Variants in FUT8 observed in about 807,000 individuals in gnomAD.
FUT8 encodes the protein fucosyltransferase 8.
A neutral mutation model predicts 71.3 loss-of-function variants in FUT8; 29 were observed. The observed-to-expected ratio is 0.41, with a 90% CI of 0.30 to 0.55. The LOEUF (loss-of-function observed/expected upper bound fraction) is 0.55. Ranked by LOEUF, FUT8 falls within the 20% of genes least tolerant of loss-of-function variation. FUT8 has a pLI of 0.34. For missense variants in FUT8, 544 were observed against 702.1 expected, an observed-to-expected ratio of 0.77 and a Z score of 2.55; for synonymous variants, 254 against 239.3, an observed-to-expected ratio of 1.06 and a Z score of -0.57.
intron 1 of FUT8, among the ~76,000 whole-genome samples, chr14:65,432,304 G>A (rs1232250670): frequency 6.6e-6 from 1 of 151,842 alleles, no homozygotes; most frequent in Non-Finnish European, 1.5e-5. Context: ...GTTTCCAGCT[G>A]GAGATTGTCA....
chr14:65,406,999 T>A (rs1237025156), upstream of FUT8, among the ~76,000 whole-genome samples: 1 of 152,198 alleles, frequency 6.6e-6, no homozygotes, highest in Non-Finnish European at 1.5e-5. Flanking sequence ...CCCTTCTTAA[T>A]TCAGTCCTCA....
chr14:65,538,253 T>TGG (rs2139946422), intron 2 of FUT8, among the ~76,000 whole-genome samples: 1 of 152,314 alleles, frequency 6.6e-6, no homozygotes, highest in East Asian at 1.9e-4. Context: ...CTCCTCCTGC[T>TGG]GGGATTCCAG....
Position 65,669,188 on chromosome 14 carries a change from A to C in FUT8, c.598-55A>C. The stretch of plus-strand genomic sequence containing the variant: ...TGAAAGATTAAAAAAAAAAAAGAGC[A>C]GTTGACCTCTCTGTACAACTTATCT... On this transcript the variant is annotated intron_variant, in intron 6 of 10. Coordinates refer to ENST00000673929, the MANE Select transcript of FUT8 (RefSeq NM_001371533.1). The surrounding 1 kb of genome is among the most constrained non-coding windows in gnomAD (Gnocchi z 4.5). 1.6e-6 allele frequency: 2 copies of C among 1,282,190 alleles called. No individual in the cohort carries two copies. Among genetic ancestry groups the C allele is most frequent in the Non-Finnish European group, 2.2e-6 (2 of 910,320 alleles). 79.4% of individuals were successfully genotyped at this position (1,282,190 alleles called of 1,614,324 possible).
chr14:65,474,441 G>GGAAAAAAAAAAAAAAAAAAAAAAAAAAA (rs2066199474), intron 2 of FUT8, among the ~76,000 whole-genome samples: 1 of 39,698 alleles, frequency 2.5e-5, no homozygotes, highest in African/African-American at 1.0e-4. Context: ...TGTCTCTACT[G>GGAAAAAAAAAAAAAAAAAAAAAAAAAAA]AAAAAAAAAA....
At chr14:65,664,549 G>A (rs1892118253) in intron 6 of FUT8, among the ~76,000 whole-genome samples, 1 of 152,084 alleles carries the variant, frequency 6.6e-6, no homozygotes, top group Admixed American at 6.5e-5. Flanking sequence ...TTGATGGTAT[G>A]GGTTCTGCTT....
chr14:65,473,604 A>G (rs1174449936), intron 2 of FUT8, among the ~76,000 whole-genome samples: 1 of 152,226 alleles, frequency 6.6e-6, no homozygotes, highest in Non-Finnish European at 1.5e-5. Context: ...TTAGGATGTA[A>G]ATTGACTGTA....
chr14:65,698,264 A>G (rs530042795), intron 7 of FUT8, among the ~76,000 whole-genome samples: 1 of 152,338 alleles, frequency 6.6e-6, no homozygotes, highest in East Asian at 1.9e-4. Flanking sequence ...TATAGATTCT[A>G]TAATGTTTAT....
intron 3 of FUT8, among the ~76,000 whole-genome samples, chr14:65,566,524 G>T (rs1028596743): frequency 6.6e-6 from 1 of 151,984 alleles, no homozygotes; most frequent in Non-Finnish European, 1.5e-5. Flanking sequence ...ACAATAGTTG[G>T]TTTTCAGCAG....
At chr14:65,582,982 C>A (rs1308677008) in intron 3 of FUT8, among the ~76,000 whole-genome samples, 1 of 152,136 alleles carries the variant, frequency 6.6e-6, no homozygotes, top group Non-Finnish European at 1.5e-5. Context: ...ATAGTGAATG[C>A]TGCATGAATG....
chr14:65,394,936 G>A, the FUT8 span, among the ~76,000 whole-genome samples: 1 of 152,126 alleles, frequency 6.6e-6, no homozygotes, highest in Non-Finnish European at 1.5e-5. Flanking sequence ...TAGAGATGGG[G>A]TTTCAGTATT....
At chr14:65,427,129 T>A (rs567546920) in intron 1 of FUT8, among the ~76,000 whole-genome samples, 111 of 152,310 alleles carry the variant, frequency 7.3e-4, no homozygotes, top group African/African-American at 2.4e-3. Flanking sequence ...CCTGAAGTGC[T>A]GGGATTACAG....
intron 3 of FUT8, among the ~76,000 whole-genome samples, chr14:65,599,638 T>C (rs1198529113): frequency 1.3e-5 from 2 of 152,164 alleles, no homozygotes. Context: ...TACTCTTTGG[T>C]ATGCAAGGTT....
intron 2 of FUT8, among the ~76,000 whole-genome samples, chr14:65,519,081 T>C (rs1213666633): frequency 1.3e-5 from 2 of 152,152 alleles, no homozygotes; most frequent in Non-Finnish European, 2.9e-5. Flanking sequence ...TCTAGAACAG[T>C]GAATGGCATG....
chr14:65,583,935 A>G (rs2140120838), intron 3 of FUT8, among the ~76,000 whole-genome samples: 1 of 152,284 alleles, frequency 6.6e-6, no homozygotes, highest in East Asian at 1.9e-4. Context: ...GCTGAAGTGC[A>G]TGGGTATAAT....
chr14:65,390,281 C>T, the FUT8 span, among the ~76,000 whole-genome samples: 3 of 149,196 alleles, frequency 2.0e-5, no homozygotes, highest in Non-Finnish European at 4.5e-5. Flanking sequence ...TGAGATTGTG[C>T]CACTGCACTC....
chr14:65,390,277 T>C, the FUT8 span, among the ~76,000 whole-genome samples: 2 of 149,628 alleles, frequency 1.3e-5, no homozygotes, highest in Admixed American at 6.7e-5. Flanking sequence ...GAGCTGAGAT[T>C]GTGCCACTGC....
At chr14:65,503,098 A>G (rs1270085365) in intron 2 of FUT8, among the ~76,000 whole-genome samples, 1 of 152,198 alleles carries the variant, frequency 6.6e-6, no homozygotes, top group Non-Finnish European at 1.5e-5. Context: ...TAGTAGAGCT[A>G]TTTATAGCTG....
At chr14:65,368,846 C>T in the FUT8 span, among the ~76,000 whole-genome samples, 1 of 151,848 alleles carries the variant, frequency 6.6e-6, no homozygotes, top group African/African-American at 2.4e-5. Context: ...TTATTAGAGA[C>T]GGGGTTTCAC....
At chr14:65,642,467 G>A (rs1378552760) in intron 6 of FUT8, among the ~76,000 whole-genome samples, 1 of 152,058 alleles carries the variant, frequency 6.6e-6, no homozygotes, top group African/African-American at 2.4e-5. Flanking sequence ...GCCAGGCGTG[G>A]TGGCGCACAC....
Sources: gnomAD v4.1 joint callset for allele counts (sites outside exome capture counted in the v4.1 genomes callset) on GRCh38, gnomAD v4.1.1 for gene constraint, Gnocchi (gnomAD v3.1) non-coding constraint, MANE v1.5 for transcripts, NCBI Gene and HGNC (gene_info 2026-07-23, HGNC 2026-07-21) for gene names.